TIAM2: variants seen among roughly 807,000 people sequenced by gnomAD.
TIAM2 encodes the protein TIAM Rac1 associated GEF 2, also known as rho guanine nucleotide exchange factor TIAM2.
Under a neutral mutation model 152.9 loss-of-function variants are expected in TIAM2, and 80 were observed. The ratio of observed to expected loss-of-function variants is 0.52; its 90% CI spans 0.44 to 0.63. The LOEUF is 0.63. Ranked by LOEUF, TIAM2 falls within the 30% of genes least tolerant of loss-of-function variation. TIAM2 has a pLI of 0.00. For synonymous variants in TIAM2, 804 were observed against 838.0 expected, an observed-to-expected ratio of 0.96 and a Z score of 0.70; for missense variants, 1,965 against 2,120.1, an observed-to-expected ratio of 0.93 and a Z score of 1.44.
At chr6:155,118,280 G>A (rs1779061550) in intron 2 of TIAM2, among the ~76,000 whole-genome samples, 1 of 152,110 alleles carries the variant, frequency 6.6e-6, no homozygotes, top group South Asian at 2.1e-4. Flanking sequence ...AAGGAGCTGG[G>A]GTCTTTCTCC....
intron 9 of TIAM2, among the ~76,000 whole-genome samples, chr6:155,172,676 ATATATATATATTTTTT>A (rs1780643175): frequency 7.6e-5 from 1 of 13,082 alleles, no homozygotes; most frequent in African/African-American, 3.7e-4. Context: ...ATATATATAT[ATATATATATATTTTTT>A]TTTTTTTTTT....
intron 5 of TIAM2, among the ~76,000 whole-genome samples, chr6:155,141,260 T>G (rs1171146901): frequency 6.6e-6 from 1 of 152,202 alleles, no homozygotes; most frequent in African/African-American, 2.4e-5. Context: ...GCGTAACCTT[T>G]TCCATGTGGC....
At chr6:155,216,234 C>G (rs1269086199) in intron 15 of TIAM2, among the ~76,000 whole-genome samples, 2 of 152,080 alleles carry the variant, frequency 1.3e-5, no homozygotes, top group African/African-American at 4.8e-5. Flanking sequence ...GTGGTCTCTT[C>G]TCAGGGAGAA....
chr6:155,240,785 A>G (rs1782993851), intron 16 of TIAM2, 76 bp downstream of exon 16: 1 of 1,474,924 alleles, frequency 6.8e-7, no homozygotes, highest in Non-Finnish European at 9.1e-7. Flanking sequence ...AGGTCCCCAG[A>G]TCACCTCTGC....
intron 1 of TIAM2, among the ~76,000 whole-genome samples, chr6:154,998,382 G>A (rs1336721800): frequency 6.6e-6 from 1 of 152,162 alleles, no homozygotes; most frequent in Non-Finnish European, 1.5e-5. Context: ...AAGGGTTTGA[G>A]TCTGATTTAT....
At chr6:155,130,464 C>A in intron 4 of TIAM2, 47 bp downstream of exon 4, 1 of 1,537,798 alleles carries the variant, frequency 6.5e-7, no homozygotes, top group Non-Finnish European at 8.8e-7. Context: ...AGTTTCCCCA[C>A]CTGGAGAAGG....
At chr6:155,196,881 C>T (rs1781357974) in intron 14 of TIAM2, among the ~76,000 whole-genome samples, 1 of 152,196 alleles carries the variant, frequency 6.6e-6, no homozygotes, top group African/African-American at 2.4e-5. Context: ...TATCTGTTAT[C>T]CTTTCTTGCA....
In TIAM2 at chr6:155,240,593, G is replaced by C; in HGVS notation, c.3232G>C (p.Gly1078Arg). The change falls in exon 16 of 27, where the codon GGA becomes CGA. Residue 1078 changes from glycine to arginine, a missense_variant. By Grantham distance (125) the Gly-to-Arg change is moderately radical. This residue lies in a region of TIAM2 where 935 missense variants were observed against 980.0 expected (regional missense o/e 0.95). Transcript: ENST00000682666. Reference protein sequence around the residue: ...FNDSQANGMEGPRENQDPPPR... With the variant: ...FNDSQANGMERPRENQDPPPR... The stretch of plus-strand genomic sequence containing the variant: ...CGACAGTCAGGCCAACGGCATGGAA[G>C]GACCGCGGGAGAATCAGGATCCTCC... 1 of 1,614,176 alleles carries C rather than the reference G, an allele frequency of 6.2e-7. No individual in the cohort carries two copies. The highest frequency in any genetic ancestry group is 8.5e-7 in the Non-Finnish European group (1 of 1,180,056).
chr6:155,019,955 A>AG (rs1776440840), intron 1 of TIAM2, among the ~76,000 whole-genome samples: 1 of 152,152 alleles, frequency 6.6e-6, no homozygotes, highest in Admixed American at 6.5e-5. Context: ...TGGGAGGCTG[A>AG]GGCAGGAGAA....
intron 15 of TIAM2, among the ~76,000 whole-genome samples, chr6:155,237,791 A>G (rs969277451): frequency 1.3e-5 from 2 of 152,182 alleles, no homozygotes; most frequent in African/African-American, 4.8e-5. Context: ...CCCTGGGCGG[A>G]ACACAGCATG....
intron 1 of TIAM2, among the ~76,000 whole-genome samples, chr6:155,087,711 T>C (rs1719002511): frequency 6.6e-6 from 1 of 152,044 alleles, no homozygotes; most frequent in African/African-American, 2.4e-5. Flanking sequence ...ATCGCGCCAT[T>C]ACACTCCAGC....
chr6:155,148,029 A>T, intron 6 of TIAM2, 81 bp from the exon 7 acceptor site: 1 of 1,435,994 alleles, frequency 7.0e-7, no homozygotes, highest in Non-Finnish European at 9.8e-7. Context: ...GGTTTTGTAC[A>T]TCTAAGCCCA....
chr6:155,245,767 T>TTTTTGCA, intron 19 of TIAM2, 36 bp downstream of exon 19: 2 of 1,440,622 alleles, frequency 1.4e-6, no homozygotes, highest in African/African-American at 1.4e-5. Context: ...TTTTTTTTTT[T>TTTTTGCA]TTTGCATTTT....
At chr6:155,061,560 G>A (rs1777579894) in intron 1 of TIAM2, among the ~76,000 whole-genome samples, 1 of 152,168 alleles carries the variant, frequency 6.6e-6, no homozygotes, top group South Asian at 2.1e-4. Context: ...TACATGTAAA[G>A]CAGCTTTGGA....
intron 1 of TIAM2, among the ~76,000 whole-genome samples, chr6:154,999,626 T>C (rs1778279875): frequency 6.6e-6 from 1 of 152,240 alleles, no homozygotes; most frequent in South Asian, 2.1e-4. Context: ...AAACTAGCTT[T>C]GCTTCTGCAG....
intron 22 of TIAM2, among the ~76,000 whole-genome samples, chr6:155,251,720 A>G (rs1108371): frequency 0.29 from 44,834 of 152,206 alleles, 7,364 homozygotes; most frequent in East Asian, 0.66. Flanking sequence ...GAGTTTAAAA[A>G]AGCCAAGATC....
At chr6:155,084,402 C>A (rs537785311) in intron 1 of TIAM2, among the ~76,000 whole-genome samples, 1 of 152,320 alleles carries the variant, frequency 6.6e-6, no homozygotes, top group South Asian at 2.1e-4. Context: ...AATTGAATGT[C>A]ATTAACTAAA....
intron 24 of TIAM2, 62 bp from the exon 25 acceptor site, chr6:155,253,911 G>T (rs1783834152): frequency 4.6e-6 from 6 of 1,308,438 alleles, no homozygotes; most frequent in Non-Finnish European, 6.5e-6. Context: ...CTTTACAAGT[G>T]TTCTTAACCA....
At chr6:155,145,048 A>T (rs1248029321) in intron 6 of TIAM2, among the ~76,000 whole-genome samples, 2 of 152,150 alleles carry the variant, frequency 1.3e-5, no homozygotes, top group Non-Finnish European at 2.9e-5. Flanking sequence ...AGAGAAAAAA[A>T]TCATGATCCC....
Sources: gnomAD v4.1 joint callset for allele counts (sites outside exome capture counted in the v4.1 genomes callset) on GRCh38, gnomAD v4.1.1 for gene constraint, gnomAD v4.1.1 regional missense constraint, MANE v1.5 for transcripts, NCBI Gene and HGNC (gene_info 2026-07-23, HGNC 2026-07-21) for gene names.